Variants in MAGT1 observed in about 807,000 individuals in gnomAD.
MAGT1 encodes dolichyl-diphosphooligosaccharide--protein glycosyltransferase subunit MAGT1.
In MAGT1, 4 loss-of-function variants were observed where a neutral mutation model predicts 28.4. That is an observed-to-expected ratio of 0.14 (90% CI 0.07 to 0.32). The LOEUF is 0.32. Among genes scored for constraint, MAGT1 ranks in the 10% least tolerant of loss-of-function variants. MAGT1 has a pLI of 1.00. For synonymous variants in MAGT1, 89 were observed against 89.7 expected (o/e 0.99, Z 0.04); for missense variants, 193 against 264.5 (o/e 0.73, Z 1.88).
At chrX:77,838,960 A>G (rs2076927391) in intron 8 of MAGT1, among the ~76,000 whole-genome samples, 2 of 110,361 alleles carry the variant, frequency 1.8e-5, no homozygotes, top group African/African-American at 3.3e-5. Context: ...TGGCAAATAT[A>G]TATGTATCTA....
At chrX:77,865,303 T>A (rs1341207251) in intron 3 of MAGT1, among the ~76,000 whole-genome samples, 1 of 111,152 alleles carries the variant, frequency 9.0e-6, no homozygotes. Context: ...TATTTATTTA[T>A]TTTTGAGATG....
chrX:77,888,492 T>G (rs1325753799), intron 1 of MAGT1, among the ~76,000 whole-genome samples: 1 of 111,501 alleles, frequency 9.0e-6, no homozygotes, highest in Non-Finnish European at 1.9e-5. Context: ...TATAAGAGAT[T>G]AAGAGGACCA....
At chrX:77,850,486 G>C (rs868917895) in intron 7 of MAGT1, among the ~76,000 whole-genome samples, 4 of 25,484 alleles carry the variant, frequency 1.6e-4, no homozygotes, top group Non-Finnish European at 2.5e-4. Context: ...AAAAAAAAAG[G>C]GGGGGGGGGT....
intron 7 of MAGT1, among the ~76,000 whole-genome samples, chrX:77,844,346 T>C (rs1474669624): frequency 3.6e-5 from 4 of 111,664 alleles, no homozygotes; most frequent in African/African-American, 1.3e-4. Flanking sequence ...TCTTTTCTTC[T>C]TTATTAGTCT....
At chrX:77,872,049 CCTT>C (rs2077021745) in intron 2 of MAGT1, among the ~76,000 whole-genome samples, 3 of 109,533 alleles carry the variant, frequency 2.7e-5, no homozygotes, top group South Asian at 8.0e-4. Context: ...CTCCTTCAAT[CCTT>C]CTTTTTTTTT....
intron 8 of MAGT1, among the ~76,000 whole-genome samples, chrX:77,840,801 C>A (rs1420131916): frequency 8.9e-6 from 1 of 112,107 alleles, no homozygotes; most frequent in African/African-American, 3.2e-5. Flanking sequence ...TATGATTATG[C>A]TACTGCACTC....
chrX:77,827,247 C>G lies in MAGT1; in HGVS notation c.*1973G>C, dbSNP rs375584734. The G allele has an allele frequency of 3.6e-5, 4 of 111,206 alleles. No individual in the cohort carries two copies. The highest frequency in any genetic ancestry group is 2.8e-4 in the East Asian group (1 of 3,565). 9.2% of individuals were successfully genotyped at this position (111,206 alleles called of 1,213,427 possible). ...TAGCACATATGGTTATTTCTACTGA[C>G]AGAAACCAAAAGACAAAATAAAAAA... is the stretch of plus-strand genomic sequence containing the variant. On this transcript the variant is annotated 3_prime_UTR_variant, in exon 10 of 10. Transcript: ENST00000618282.
At chrX:77,852,387 T>C (rs1603361271) in intron 7 of MAGT1, among the ~76,000 whole-genome samples, 1 of 112,050 alleles carries the variant, frequency 8.9e-6, no homozygotes, top group African/African-American at 3.2e-5. Context: ...AATCAAAAGC[T>C]TAATATTTTT....
chrX:77,875,284 G>A (rs2077030452), intron 2 of MAGT1, 144 bp downstream of exon 2: 1 of 533,646 alleles, frequency 1.9e-6, no homozygotes, highest in Non-Finnish European at 3.3e-6. Flanking sequence ...CTATAAAAGA[G>A]CAGTAGTATT....
At chrX:77,849,429 CAT>C (rs2076960887) in intron 7 of MAGT1, among the ~76,000 whole-genome samples, 1 of 110,411 alleles carries the variant, frequency 9.1e-6, no homozygotes, top group African/African-American at 3.3e-5. Context: ...AAAATAAACC[CAT>C]AGTGTTAGCA....
chrX:77,837,191 T>C lies in MAGT1; in HGVS notation c.901+4055A>G, dbSNP rs1027047160. The C allele has an allele frequency of 3.6e-5, 4 of 111,084 alleles. No homozygotes were observed. The Admixed American group carries it at 3.9e-4, about 11-fold the overall frequency. The allele number at this position is 111,084 out of a possible 1,213,427, so 9.2% of individuals were successfully genotyped here. A position where few individuals can be genotyped will look rare whatever the true frequency, so the allele number is the denominator to read the frequency against. On this transcript the variant is annotated intron_variant, in intron 8 of 9. Transcript: ENST00000618282. ...ACTGAAATAGGCAATTTTTAAACAGTCAGGCAAAGTCTACAGCCATAGCAC... is the reference window on the plus strand; with the variant it reads ...ACTGAAATAGGCAATTTTTAAACAGCCAGGCAAAGTCTACAGCCATAGCAC...
chrX:77,881,799 C>T (rs1445769066), intron 1 of MAGT1, among the ~76,000 whole-genome samples: 1 of 110,977 alleles, frequency 9.0e-6, no homozygotes, highest in Non-Finnish European at 1.9e-5. Context: ...ATGGCTGGGT[C>T]AAATGGTATT....
At chrX:77,855,714 T>C (rs969255361) in intron 5 of MAGT1, 124 bp from the exon 6 acceptor site, 1 of 462,907 alleles carries the variant, frequency 2.2e-6, no homozygotes, top group Non-Finnish European at 3.7e-6. Flanking sequence ...ATAAATGATT[T>C]ATTAAGGCTT....
chrX:77,882,130 T>A (rs1219474211), intron 1 of MAGT1, among the ~76,000 whole-genome samples: 4 of 111,986 alleles, frequency 3.6e-5, no homozygotes, highest in Non-Finnish European at 7.5e-5. Context: ...ATAAATTAGG[T>A]ATAGATGGGA....
At chrX:77,858,357 A>T (rs1557216177) in intron 3 of MAGT1, among the ~76,000 whole-genome samples, 1 of 110,043 alleles carries the variant, frequency 9.1e-6, no homozygotes. Context: ...CACCCAGCTA[A>T]TTTTTGTATT....
At position 77,875,494 on chromosome X, in the gene MAGT1, G is replaced by A. The variant is rs781839181; in HGVS notation, c.206C>T (p.Pro69Leu). 2 of 1,206,953 alleles carry A rather than the reference G, an allele frequency of 1.7e-6. No individual in the cohort carries two copies. Among genetic ancestry groups the A allele is most frequent in the South Asian group, 1.8e-5 (1 of 56,613 alleles). Residue 69 changes from proline (P) to leucine (L), a missense_variant, in exon 2 of 10, where the codon CCG (proline) becomes CTG (leucine). Pro to Leu is a moderately conservative substitution (Grantham distance 98). Transcript: ENST00000618282. ...DKFRRLVKAP[P>L]RNYSVIVMFT... ...CATGACGATAACGGAGTAATTTCTC[G>A]GTGGGGCTTTCACAAGGCGACGGAA...
chrX:77,877,013 C>CAAAAAAAAAA (rs782800456), intron 1 of MAGT1, among the ~76,000 whole-genome samples: 1 of 10,649 alleles, frequency 9.4e-5, no homozygotes, highest in Non-Finnish European at 1.9e-4. Context: ...AACTCCATCT[C>CAAAAAAAAAA]AAAAAAAAAA....
At chrX:77,881,043 G>C (rs1195210922) in intron 1 of MAGT1, among the ~76,000 whole-genome samples, 2 of 109,123 alleles carry the variant, frequency 1.8e-5, no homozygotes, top group East Asian at 5.7e-4. Flanking sequence ...ACAAGTAGTT[G>C]GTAAAGGCTG....
chrX:77,877,559 T>C (rs2077038819), intron 1 of MAGT1, among the ~76,000 whole-genome samples: 1 of 109,485 alleles, frequency 9.1e-6, no homozygotes, highest in East Asian at 2.8e-4. Context: ...ACACCTGTAA[T>C]CCCAGCACTT....
Sources: gnomAD v4.1 joint callset for allele counts (sites outside exome capture counted in the v4.1 genomes callset) on GRCh38, gnomAD v4.1.1 for gene constraint, MANE v1.5 for transcripts, NCBI Gene and HGNC (gene_info 2026-07-23, HGNC 2026-07-21) for gene names.